STARD4: variants seen among roughly 807,000 people sequenced by gnomAD.
The protein encoded by STARD4 is StAR related lipid transfer domain containing 4.
In STARD4, 33 loss-of-function variants were observed where a neutral mutation model predicts 24.9. The ratio of observed to expected loss-of-function variants is 1.32; its 90% CI spans 1.00 to 1.77. STARD4 has a LOEUF of 1.77. Ranked by LOEUF, STARD4 falls within the 40% of genes most tolerant of loss-of-function variation. The pLI is 0.00. For missense variants in STARD4, 238 were observed against 249.3 expected (o/e 0.95, Z 0.31); for synonymous variants, 88 against 77.4 (o/e 1.14, Z -0.72).
intron 3 of STARD4, among the ~76,000 whole-genome samples, chr5:111,503,537 G>A (rs570959442): frequency 5.3e-5 from 8 of 152,132 alleles, no homozygotes; most frequent in Non-Finnish European, 1.2e-4. Context: ...GCTGAGGCAG[G>A]AGAATAGCTT....
chr5:111,504,919 A>G, intron 3 of STARD4: 2 of 433,416 alleles, frequency 4.6e-6, no homozygotes, highest in South Asian at 3.3e-5. Context: ...CACCATCGCT[A>G]TCATTAAATC....
chr5:111,508,897 C>A (rs934338026), intron 1 of STARD4, among the ~76,000 whole-genome samples: 1 of 151,912 alleles, frequency 6.6e-6, no homozygotes, highest in Non-Finnish European at 1.5e-5. Context: ...CTAATTAGAG[C>A]ATATAAGCCA....
rs567219287 is a variant in STARD4 at position 111,499,702 on chromosome 5, GT to G, written c.*183del. The G allele has an allele frequency of 8.3e-4, 476 of 574,822 alleles. 2 individuals carry two copies. The highest frequency in any genetic ancestry group is 2.0e-3 in the Admixed American group (62 of 30,766). The allele number at this position is 574,822 out of a possible 1,614,324, so 35.6% of individuals were successfully genotyped here. On this transcript the variant is annotated 3_prime_UTR_variant, in exon 6 of 6. Transcript: ENST00000296632. ...TGTCTCAAAATTTAAAAAAAAAAAA[GT>G]GAAAATGCCCTCTCTTAGATAGCTA...
At chr5:111,502,652 G>T (rs1214824707) in intron 3 of STARD4, among the ~76,000 whole-genome samples, 1 of 151,612 alleles carries the variant, frequency 6.6e-6, no homozygotes, top group African/African-American at 2.4e-5. Context: ...AACTATCCAG[G>T]CATGGTGGCT....
At chr5:111,511,212 C>A (rs1757244807) in intron 1 of STARD4, among the ~76,000 whole-genome samples, 1 of 152,004 alleles carries the variant, frequency 6.6e-6, no homozygotes, top group African/African-American at 2.4e-5. Flanking sequence ...TAAAGAAATG[C>A]AACATGGAAG....
chr5:111,500,143 A>G (rs1580843369), intron 5 of STARD4, 37 bp from the exon 6 acceptor site: 1 of 1,518,788 alleles, frequency 6.6e-7, no homozygotes, highest in Admixed American at 2.1e-5. Flanking sequence ...TATTAATAGC[A>G]ATAACTGACA....
chr5:111,502,463 C>A (rs1295260038), intron 3 of STARD4, among the ~76,000 whole-genome samples: 1 of 148,288 alleles, frequency 6.7e-6, no homozygotes, highest in Non-Finnish European at 1.5e-5. Context: ...AGTGAGATTC[C>A]ATCTCAAAAA....
Position 111,507,612 on chromosome 5 carries a change from T to G in STARD4, c.-9-170A>C, listed in dbSNP as rs1172290836. Among the ~76,000 whole-genome samples, 1 of 152,026 alleles carries G rather than the reference T, an allele frequency of 6.6e-6. No homozygotes were observed. The highest frequency in any genetic ancestry group is 1.5e-5 in the Non-Finnish European group (1 of 67,992). ...CTCTGAGAGTAGGACCCGGGCATAG[T>G]TTTTTTCTAATTGCTCCCAAGATGA... On this transcript the variant is annotated intron_variant, in intron 1 of 5. Coordinates refer to ENST00000296632, the MANE Select transcript of STARD4 (RefSeq NM_139164.3). This position sits in a 1 kb window ranked among gnomAD's most constrained non-coding sequence, Gnocchi z 4.4.
intron 2 of STARD4, among the ~76,000 whole-genome samples, chr5:111,506,820 C>G (rs1354394441): frequency 6.6e-6 from 1 of 152,180 alleles, no homozygotes; most frequent in Admixed American, 6.5e-5. Context: ...TTTTCCTCAT[C>G]ATTTCCCAAG....
intron 3 of STARD4, 65 bp from the exon 4 acceptor site, chr5:111,502,153 G>T: frequency 6.5e-7 from 1 of 1,528,132 alleles, no homozygotes; most frequent in Non-Finnish European, 8.8e-7. Flanking sequence ...CCCTTATAGT[G>T]CATAGCTAAC....
Position 111,499,782 on chromosome 5 carries a change from A to G in STARD4, c.*104T>C, listed in dbSNP as rs1756288773. On this transcript the variant is annotated 3_prime_UTR_variant, in exon 6 of 6. Transcript: ENST00000296632. ...TACTAGTGAACCAAAAACATTTCAA[A>G]TTTTTCTACCGGCTATGCAGAAAAG... 9.2e-7 allele frequency: 1 copy of G among 1,083,980 alleles called. No individual in the cohort carries two copies. Among genetic ancestry groups the G allele is most frequent in the African/African-American group, 1.6e-5 (1 of 63,000 alleles). The allele number at this position is 1,083,980 out of a possible 1,614,324, so 67.1% of individuals were successfully genotyped here. A position where few individuals can be genotyped will look rare whatever the true frequency, so the allele number is the denominator to read the frequency against.
chr5:111,506,412 T>C, intron 2 of STARD4, 33 bp from the exon 3 acceptor site: 1 of 1,111,026 alleles, frequency 9.0e-7, no homozygotes, highest in Non-Finnish European at 1.3e-6. Flanking sequence ...TGGTAATAAT[T>C]GCATAGGTGG....
rs1370218790 is a variant in STARD4, at chr5:111,497,632, A to G, written c.*2254T>C. The G allele has an allele frequency of 6.6e-6, 1 of 151,978 alleles. No homozygotes were observed. The highest frequency in any genetic ancestry group is 1.9e-4 in the East Asian group (1 of 5,198). 9.4% of individuals were successfully genotyped at this position (151,978 alleles called of 1,614,324 possible). ...ATATTAAAATTAACTTCAGCTGTTT[A>G]TTTTTATTTTTTAATGTGGCTTCTA... On this transcript the variant is annotated 3_prime_UTR_variant, in exon 6 of 6. Coordinates refer to ENST00000296632, the MANE Select transcript of STARD4 (RefSeq NM_139164.3).
intron 1 of STARD4, among the ~76,000 whole-genome samples, chr5:111,511,516 T>C (rs1484771575): frequency 6.6e-6 from 1 of 152,228 alleles, no homozygotes; most frequent in Non-Finnish European, 1.5e-5. Flanking sequence ...TTAGATATCT[T>C]GAGGTCTTCC....
intron 3 of STARD4, chr5:111,504,935 C>T (rs1342572235): frequency 2.3e-6 from 1 of 436,572 alleles, no homozygotes; most frequent in Admixed American, 2.7e-5. Context: ...AAATCTTTCA[C>T]ATGCATTTGC....
rs1437435206 is a variant in STARD4, at chr5:111,497,573, A to G, written c.*2313T>C. 1 of 152,108 alleles carries G rather than the reference A, an allele frequency of 6.6e-6. No individual in the cohort carries two copies. Among genetic ancestry groups the G allele is most frequent in the Non-Finnish European group, 1.5e-5 (1 of 67,940 alleles). 9.4% of individuals were successfully genotyped at this position (152,108 alleles called of 1,614,324 possible). The stretch of plus-strand genomic sequence containing the variant: ...ATCTTTACATCAATTACATGTTAAA[A>G]TGATAACATTTTGGATGTATTGAGT... On this transcript the variant is annotated 3_prime_UTR_variant, in exon 6 of 6. Transcript: ENST00000296632.
chr5:111,502,749 C>T (rs571733396), intron 3 of STARD4, among the ~76,000 whole-genome samples: 147 of 151,100 alleles, frequency 9.7e-4, no homozygotes, highest in African/African-American at 3.4e-3. Flanking sequence ...GCCGAGATCA[C>T]GCCATTGCAC....
chr5:111,501,823 T>G, intron 4 of STARD4, 139 bp downstream of exon 4: 2 of 1,187,590 alleles, frequency 1.7e-6, no homozygotes, highest in Non-Finnish European at 2.4e-6. Flanking sequence ...GACTCCCCTG[T>G]GATATCTTTG....
chr5:111,499,814 CA>C lies in STARD4; in HGVS notation c.*71del, dbSNP rs1426117991. 7.3e-7 allele frequency: 1 copy of C among 1,373,030 alleles called. No individual in the cohort carries two copies. Among genetic ancestry groups the C allele is most frequent in the Non-Finnish European group, 1.0e-6 (1 of 985,908 alleles). The allele number at this position is 1,373,030 out of a possible 1,614,324, so 85.1% of individuals were successfully genotyped here. The stretch of plus-strand genomic sequence containing the variant: ...TACCGGCTATGCAGAAAAGTGGAAT[CA>C]ATGATTTTTACAGGCCATGTAGCTG... On this transcript the variant is annotated 3_prime_UTR_variant, in exon 6 of 6. Transcript: ENST00000296632.
Sources: gnomAD v4.1 joint callset for allele counts (sites outside exome capture counted in the v4.1 genomes callset) on GRCh38, gnomAD v4.1.1 for gene constraint, Gnocchi (gnomAD v3.1) non-coding constraint, MANE v1.5 for transcripts, NCBI Gene and HGNC (gene_info 2026-07-23, HGNC 2026-07-21) for gene names.